Variants in CELSR3 observed in about 807,000 individuals in gnomAD.
CELSR3 encodes EGF-like protein 1.
A neutral mutation model predicts 270.0 loss-of-function variants in CELSR3; 73 were observed. That is an observed-to-expected ratio of 0.27 (90% CI 0.22 to 0.33). CELSR3 has a LOEUF of 0.33. Ranked by LOEUF, CELSR3 falls within the 10% of genes least tolerant of loss-of-function variation. The pLI is 1.00. For synonymous variants in CELSR3, 1,780 were observed against 1,905.4 expected (o/e 0.93, Z 1.71); for missense variants, 3,614 against 4,533.8 (o/e 0.80, Z 5.83).
intron 19 of CELSR3, 112 bp from the exon 20 acceptor site, chr3:48,648,108 C>A: frequency 6.8e-7 from 1 of 1,474,956 alleles, no homozygotes; most frequent in Non-Finnish European, 9.2e-7. Flanking sequence ...GTTTTCTGTG[C>A]TACCAGCTCG....
intron 16 of CELSR3, among the ~76,000 whole-genome samples, chr3:48,649,609 A>T (rs1333037510): frequency 6.6e-6 from 1 of 152,218 alleles, no homozygotes; most frequent in Non-Finnish European, 1.5e-5. Context: ...AGACATGCCA[A>T]CACAGAAGAG....
chr3:48,654,847 G>C lies in CELSR3; in HGVS notation c.4988+197C>G, dbSNP rs1297020178. Among the ~76,000 whole-genome samples, 4 of 151,858 alleles carry C rather than the reference G, an allele frequency of 2.6e-5. No homozygotes were observed. Among genetic ancestry groups the C allele is most frequent in the Non-Finnish European group, 5.9e-5 (4 of 67,954 alleles). ...ACTGCCTGGGGACTGTGTGTGGGAG[G>C]AGGGAGTATGGGGTGGAATACAGGA... On this transcript the variant is annotated intron_variant, in intron 6 of 34. Coordinates refer to ENST00000164024, the MANE Select transcript of CELSR3 (RefSeq NM_001407.3). This position sits in a 1 kb window ranked among gnomAD's most constrained non-coding sequence, Gnocchi z 5.4.
chr3:48,640,660 A>G lies in CELSR3; in HGVS notation c.9026-101T>C. 2 of 1,300,392 alleles carry G rather than the reference A, an allele frequency of 1.5e-6. No homozygotes were observed. The highest frequency in any genetic ancestry group is 2.1e-6 in the Non-Finnish European group (2 of 969,058). 80.6% of individuals were successfully genotyped at this position (1,300,392 alleles called of 1,614,324 possible). ...TGTGGCAGCCCTTGGGATCCTTCCA[A>G]CACAGGGATGGGAGCAGGAACCCCT... On this transcript the variant is annotated intron_variant, in intron 33 of 34. Coordinates refer to ENST00000164024, the MANE Select transcript of CELSR3 (RefSeq NM_001407.3). The surrounding 1 kb of genome is among the most constrained non-coding windows in gnomAD (Gnocchi z 7.5).
chr3:48,640,878 G>A lies in CELSR3; in HGVS notation c.9026-319C>T, dbSNP rs2047019987. Reference sequence around the variant, plus strand: ...CTCAGGTCCTGACAATGCAGGCCTGGCTGAAATGCAGGAACCCCCCGGGTT... The same window carrying A: ...CTCAGGTCCTGACAATGCAGGCCTGACTGAAATGCAGGAACCCCCCGGGTT... On this transcript the variant is annotated intron_variant, in intron 33 of 34. Coordinates refer to ENST00000164024, the MANE Select transcript of CELSR3 (RefSeq NM_001407.3). This position sits in a 1 kb window ranked among gnomAD's most constrained non-coding sequence, Gnocchi z 7.5. 4 of 459,472 alleles carry A rather than the reference G, an allele frequency of 8.7e-6. No individual in the cohort carries two copies. The highest frequency in any genetic ancestry group is 1.5e-5 in the Non-Finnish European group (4 of 259,056). 28.5% of individuals were successfully genotyped at this position (459,472 alleles called of 1,614,324 possible).
Position 48,657,182 on chromosome 3 carries a change from C to T in CELSR3, c.3915G>A (p.Thr1305=), listed in dbSNP as rs770819615. 2.5e-6 allele frequency: 4 copies of T among 1,613,942 alleles called. No individual in the cohort carries two copies. The highest frequency in any genetic ancestry group is 4.5e-5 in the East Asian group (2 of 44,876). Residue 1305 remains threonine, a synonymous_variant, in exon 2 of 35, where the codon ACG becomes ACA. Coordinates refer to ENST00000164024, the MANE Select transcript of CELSR3 (RefSeq NM_001407.3). The surrounding 1 kb of genome is among the most constrained non-coding windows in gnomAD (Gnocchi z 5.4). Reference sequence around the variant, plus strand: ...TGAAGATGAAGACGTCCTCAGCGGGCGTAGCGAGCACCGCAGCCACGCCCT... The same window carrying T: ...TGAAGATGAAGACGTCCTCAGCGGGTGTAGCGAGCACCGCAGCCACGCCCT... ...FLEGVAAVLA[T]PAEDVFIFNI... is the part of the protein sequence containing the mutation.
In CELSR3 at chr3:48,662,103, G is replaced by T; in HGVS notation, c.532C>A (p.Arg178=). Reference sequence around the variant, plus strand: ...GACACCGGCTTGGGACCGTGGTGCCGAATCAAAAAGTCTGAAGGGAGGGGC... The same window carrying T: ...GACACCGGCTTGGGACCGTGGTGCCTAATCAAAAAGTCTGAAGGGAGGGGC... The part of the protein sequence containing the change: ...SSPLPSDFLI[R]HHGPKPVSSQ... Residue 178 remains arginine, a synonymous_variant, in exon 1 of 35, where the codon CGG becomes AGG. Coordinates refer to ENST00000164024, the MANE Select transcript of CELSR3 (RefSeq NM_001407.3). This position sits in a 1 kb window ranked among gnomAD's most constrained non-coding sequence, Gnocchi z 7.1. The T allele has an allele frequency of 6.2e-7, 1 of 1,613,792 alleles. No homozygotes were observed. Among genetic ancestry groups the T allele is most frequent in the Non-Finnish European group, 8.5e-7 (1 of 1,179,970 alleles).
At chr3:48,648,498 G>A (rs1444361925) in intron 18 of CELSR3, 37 bp from the exon 19 acceptor site, 4 of 1,494,742 alleles carry the variant, frequency 2.7e-6, no homozygotes, top group Non-Finnish European at 3.6e-6. Flanking sequence ...TCAGCCAGGT[G>A]GTGAGGATGT....
rs1157412995 is a variant in CELSR3, at chr3:48,661,208, G to A, written c.1427C>T (p.Pro476Leu). 1 of 1,601,064 alleles carries A rather than the reference G, an allele frequency of 6.2e-7. No homozygotes were observed. The highest frequency in any genetic ancestry group is 1.1e-5 in the South Asian group (1 of 90,154). ...ANLRYRFVGP[P>L]AARAAAAAAF... ...GGCGGCAGCTGCAGCGCGCGCAGCT[G>A]GCGGCCCCACGAAGCGGTAGCGCAG... is the stretch of plus-strand genomic sequence containing the variant. Residue 476 changes from proline to leucine, a missense_variant, in exon 1 of 35, where the codon CCA (proline) becomes CTA (leucine). Coordinates refer to ENST00000164024, the MANE Select transcript of CELSR3 (RefSeq NM_001407.3).
rs2047147846 is a variant in CELSR3 at position 48,652,671 on chromosome 3, C to A, written c.5635-118G>T. On this transcript the variant is annotated intron_variant, in intron 10 of 34. Transcript: ENST00000164024. The surrounding 1 kb of genome is among the most constrained non-coding windows in gnomAD (Gnocchi z 4.3). Reference sequence around the variant, plus strand: ...CTAGGCTGCCCCCTCCCTCCTGGACCCACAGTAGACCTTAATATTGCTTGA... The same window carrying A: ...CTAGGCTGCCCCCTCCCTCCTGGACACACAGTAGACCTTAATATTGCTTGA... 1 of 718,310 alleles carries A rather than the reference C, an allele frequency of 1.4e-6. No individual in the cohort carries two copies. The highest frequency in any genetic ancestry group is 2.7e-5 in the East Asian group (1 of 36,730). The allele number at this position is 718,310 out of a possible 1,614,324, so 44.5% of individuals were successfully genotyped here.
In CELSR3 at chr3:48,660,989, C is replaced by A. The variant is rs758610671; in HGVS notation, c.1646G>T (p.Arg549Leu). Residue 549 changes from arginine (R) to leucine (L), a missense_variant, in exon 1 of 35, where the codon CGC (arginine) becomes CTC (leucine). Transcript: ENST00000164024. This position sits in a 1 kb window ranked among gnomAD's most constrained non-coding sequence, Gnocchi z 5.5. The stretch of plus-strand genomic sequence containing the variant: ...ATCCTCGCGCACCTGCGCCACGTAG[C>A]GCTTCTCGCTGAACTGAGGAGCATT... ...NDNAPQFSEK[R>L]YVAQVREDVR... 6.2e-7 allele frequency: 1 copy of A among 1,613,916 alleles called. No homozygotes were observed. The highest frequency in any genetic ancestry group is 8.5e-7 in the Non-Finnish European group (1 of 1,180,044).
chr3:48,653,754 G>A lies in CELSR3; in HGVS notation c.5313C>T (p.Gly1771=). 6.2e-7 allele frequency: 1 copy of A among 1,614,200 alleles called. No homozygotes were observed. The highest frequency in any genetic ancestry group is 1.6e-4 in the Middle Eastern group (1 of 6,062). The part of the protein sequence containing the change: ...MAHPHHFRGN[G]TLSWNFGSDM... ...CACTTCCAAAGTTCCAGCTCAGTGT[G>A]CCGTTGCCACGGAAATGGTGGGGAT... is the stretch of plus-strand genomic sequence containing the variant. Residue 1771 remains glycine (G), a synonymous_variant, in exon 9 of 35, where the codon GGC becomes GGT. Transcript: ENST00000164024. This position sits in a 1 kb window ranked among gnomAD's most constrained non-coding sequence, Gnocchi z 6.5.
rs1230337423 is a variant in CELSR3 at position 48,640,259 on chromosome 3, G to A, written c.9326C>T (p.Pro3109Leu). The A allele has an allele frequency of 1.9e-6, 3 of 1,612,850 alleles. No individual in the cohort carries two copies. The East Asian group carries it at 6.7e-5, about 36-fold the overall frequency. The change falls in exon 34 of 35, where the codon CCA becomes CTA. Residue 3109 changes from proline (P) to leucine (L), a missense_variant. Physicochemically the swap from Pro to Leu is moderately conservative, Grantham distance 98. Around this residue, in one of 7 missense-constraint regions of CELSR3, gnomAD observed 1,240 missense variants for 1,351.7 expected, o/e 0.92. Transcript: ENST00000164024. The surrounding 1 kb of genome is among the most constrained non-coding windows in gnomAD (Gnocchi z 7.5). Reference protein sequence around the residue: ...PGSQECMDAAPGRLEPKDRGS... With the variant: ...PGSQECMDAALGRLEPKDRGS... ...CCGATCTTTGGGCTCCAGTCGGCCT[G>A]GTGCAGCATCCATGCATTCCTGGGA...
rs745343373 is a variant in CELSR3, at chr3:48,643,670, G to A, written c.8173C>T (p.Arg2725Cys). The change falls in exon 28 of 35, where the codon CGC (arginine) becomes TGC (cysteine). Residue 2725 changes from arginine (R) to cysteine (C), a missense_variant. Around this residue, in one of 7 missense-constraint regions of CELSR3, gnomAD observed 1,240 missense variants for 1,351.7 expected, o/e 0.92. Transcript: ENST00000164024. ...AGCAGAAGCAGCAGGAAGGAGCTGC[G>A]AAGGGTCCTGCTGTGGGGACATGGG... The part of the protein sequence containing the change: ...EAKKTSALTL[R>C]SSFLLLLLVS... 1.5e-5 allele frequency: 24 copies of A among 1,552,284 alleles called. No homozygotes were observed. In the South Asian group the frequency reaches 1.9e-4, roughly 12 times the overall value.
chr3:48,654,109 C>A lies in CELSR3; in HGVS notation c.5153-106G>T. 6.5e-7 allele frequency: 1 copy of A among 1,526,942 alleles called. No homozygotes were observed. The highest frequency in any genetic ancestry group is 8.9e-7 in the Non-Finnish European group (1 of 1,128,662). 94.6% of individuals were successfully genotyped at this position (1,526,942 alleles called of 1,614,324 possible). On this transcript the variant is annotated intron_variant, in intron 7 of 34. Coordinates refer to ENST00000164024, the MANE Select transcript of CELSR3 (RefSeq NM_001407.3). This position sits in a 1 kb window ranked among gnomAD's most constrained non-coding sequence, Gnocchi z 5.4. The stretch of plus-strand genomic sequence containing the variant: ...GGGCTGAAAGAGACCAAGATCTCAG[C>A]CCCATTTCCCATTTTCTTTCGATGA...
chr3:48,654,673 G>A lies in CELSR3; in HGVS notation c.4989-221C>T, dbSNP rs1272025699. ...GGGGAAAGGTAGGTGAATGGGGGTTGAGAGCTATGATGAAAGAATGAGGCA... is the reference window on the plus strand; with the variant it reads ...GGGGAAAGGTAGGTGAATGGGGGTTAAGAGCTATGATGAAAGAATGAGGCA... On this transcript the variant is annotated intron_variant, in intron 6 of 34. Transcript: ENST00000164024. This position sits in a 1 kb window ranked among gnomAD's most constrained non-coding sequence, Gnocchi z 5.4. Among the ~76,000 whole-genome samples, 1 of 152,102 alleles carries A rather than the reference G, an allele frequency of 6.6e-6. No homozygotes were observed. The highest frequency in any genetic ancestry group is 1.9e-4 in the East Asian group (1 of 5,186).
In CELSR3 at chr3:48,655,211, C is replaced by T. The variant is rs1178179913; in HGVS notation, c.4831-10G>A. ...GGGCATCTGTCCGGGGCTGAAGACGCAGGCACACCAGTCAACAGTGCCCCC... is the reference window on the plus strand; with the variant it reads ...GGGCATCTGTCCGGGGCTGAAGACGTAGGCACACCAGTCAACAGTGCCCCC... On this transcript the variant is annotated splice_polypyrimidine_tract_variant and intron_variant, in intron 5 of 34. Coordinates refer to ENST00000164024, the MANE Select transcript of CELSR3 (RefSeq NM_001407.3). This position sits in a 1 kb window ranked among gnomAD's most constrained non-coding sequence, Gnocchi z 5.8. 3.7e-6 allele frequency: 6 copies of T among 1,614,022 alleles called. No individual in the cohort carries two copies. The highest frequency in any genetic ancestry group is 5.1e-6 in the Non-Finnish European group (6 of 1,179,928).
At position 48,644,069 on chromosome 3, in the gene CELSR3, G is replaced by A. The variant is rs897194566; in HGVS notation, c.8165+147C>T. 1.5e-6 allele frequency: 1 copy of A among 654,934 alleles called. No individual in the cohort carries two copies. The highest frequency in any genetic ancestry group is 2.5e-4 in the Middle Eastern group (1 of 3,970). The allele number at this position is 654,934 out of a possible 1,614,324, so 40.6% of individuals were successfully genotyped here. A position where few individuals can be genotyped will look rare whatever the true frequency, so the allele number is the denominator to read the frequency against. ...CAGTATAGCGAGGGCGCCAGAGAGG[G>A]ACCACAGGTCAGGGCAGGTGTGACT... is the stretch of plus-strand genomic sequence containing the variant. On this transcript the variant is annotated intron_variant, in intron 27 of 34. Transcript: ENST00000164024. The surrounding 1 kb of genome is among the most constrained non-coding windows in gnomAD (Gnocchi z 4.8).
chr3:48,653,310 C>T lies in CELSR3; in HGVS notation c.5449-123G>A. ...CAGAACAGTGGGGTCAAGGTTATAC[C>T]TGGCACAAAGGGCACTGTGCCAGGG... On this transcript the variant is annotated intron_variant, in intron 9 of 34. Coordinates refer to ENST00000164024, the MANE Select transcript of CELSR3 (RefSeq NM_001407.3). This position sits in a 1 kb window ranked among gnomAD's most constrained non-coding sequence, Gnocchi z 6.5. 1 of 904,132 alleles carries T rather than the reference C, an allele frequency of 1.1e-6. No homozygotes were observed. The highest frequency in any genetic ancestry group is 2.7e-5 in the Admixed American group (1 of 37,606). The allele number at this position is 904,132 out of a possible 1,614,324, so 56.0% of individuals were successfully genotyped here.
chr3:48,639,899 T>A lies in CELSR3; in HGVS notation c.9686A>T (p.Asp3229Val). The A allele has an allele frequency of 3.1e-6, 5 of 1,613,172 alleles. No individual in the cohort carries two copies. The highest frequency in any genetic ancestry group is 4.2e-6 in the Non-Finnish European group (5 of 1,179,988). Residue 3229 changes from aspartate to valine, a missense_variant, in exon 34 of 35, where the codon GAC becomes GTC. Physicochemically the swap from Asp to Val is radical, Grantham distance 152 (BLOSUM62 -3). This residue lies in a region of CELSR3 where 1,240 missense variants were observed against 1,351.7 expected (regional missense o/e 0.92). Transcript: ENST00000164024. This position sits in a 1 kb window ranked among gnomAD's most constrained non-coding sequence, Gnocchi z 4.1. Reference sequence around the variant, plus strand: ...GCCATGGCTGGGGCCACTGACCGAGTCCTCCCTAGCTCTGAGCAGCTGCGG... The same window carrying A: ...GCCATGGCTGGGGCCACTGACCGAGACCTCCCTAGCTCTGAGCAGCTGCGG... Reference protein sequence around the residue: ...PLPQLLRAREDSVSGPSHGPS... With the variant: ...PLPQLLRAREVSVSGPSHGPS...
Sources: gnomAD v4.1 joint callset for allele counts (sites outside exome capture counted in the v4.1 genomes callset) on GRCh38, gnomAD v4.1.1 for gene constraint, gnomAD v4.1.1 regional missense constraint, Gnocchi (gnomAD v3.1) non-coding constraint, MANE v1.5 for transcripts, NCBI Gene and HGNC (gene_info 2026-07-23, HGNC 2026-07-21) for gene names.